PIEZO1: variants seen among roughly 807,000 people sequenced by gnomAD.
PIEZO1 encodes the protein piezo-type mechanosensitive ion channel component 1.
PIEZO1 carries 296 observed loss-of-function variants against 297.2 expected under a neutral mutation model. The observed-to-expected ratio is 1.00, with a 90% CI of 0.91 to 1.10. The LOEUF (loss-of-function observed/expected upper bound fraction) is 1.10, where lower values mean the gene tolerates loss of function less well. PIEZO1 is among the 50% of genes least tolerant of loss of function. The pLI is 0.00. For synonymous variants in PIEZO1, 2,427 were observed against 1,507.5 expected, an observed-to-expected ratio of 1.61 and a Z score of -14.13; for missense variants, 5,018 against 3,455.5, an observed-to-expected ratio of 1.45 and a Z score of -11.34.
Position 88,719,616 on chromosome 16 carries a change from A to C in PIEZO1, c.6429T>G (p.Tyr2143Ter), listed in dbSNP as rs1053881488. The change falls in exon 44 of 51, where the codon TAT (tyrosine) becomes TAG (stop). Residue 2143 changes from tyrosine to a stop codon, truncating the protein, a stop_gained. Transcript: ENST00000301015. LOFTEE classifies it high-confidence loss of function. Reference protein sequence around the residue: ...LSSWMCVEDIYANIFIIKCSR... With the variant: ...LSSWMCVEDI Reference sequence around the variant, plus strand: ...TGCATTTGATGATGAAGATGTTGGCATAGATGTCCTCCACACACATCCAGC... The same window carrying C: ...TGCATTTGATGATGAAGATGTTGGCCTAGATGTCCTCCACACACATCCAGC... The C allele has an allele frequency of 6.4e-7, 1 of 1,552,308 alleles. No individual in the cohort carries two copies. Among genetic ancestry groups the C allele is most frequent in the South Asian group, 1.2e-5 (1 of 84,136 alleles).
intron 19 of PIEZO1, 58 bp from the exon 20 acceptor site, chr16:88,732,790 C>A: frequency 6.9e-7 from 1 of 1,458,866 alleles, no homozygotes; most frequent in Non-Finnish European, 9.2e-7. Context: ...CCTGGCCCTG[C>A]CCGGAGCCCA....
rs112439375 is a variant in PIEZO1 at position 88,716,916 on chromosome 16, A to C, written c.6661-18T>G. 3.2e-4 allele frequency: 494 copies of C among 1,548,714 alleles called. 1 individual carries two copies. The highest frequency in any genetic ancestry group is 8.8e-4 in the South Asian group (74 of 84,018). ...AACAGCGGCTGGGGCAGGCACGGGGACACGGGGCCACGAAGATGAGCGTGG... is the reference window on the plus strand; with the variant it reads ...AACAGCGGCTGGGGCAGGCACGGGGCCACGGGGCCACGAAGATGAGCGTGG... On this transcript the variant is annotated intron_variant, in intron 45 of 50. Coordinates refer to ENST00000301015, the MANE Select transcript of PIEZO1 (RefSeq NM_001142864.4).
At chr16:88,783,826 G>GC (rs1452063872) in intron 1 of PIEZO1, among the ~76,000 whole-genome samples, 6 of 152,238 alleles carry the variant, frequency 3.9e-5, no homozygotes, top group Admixed American at 3.3e-4. Context: ...CTGTCTGGGA[G>GC]CCTCAGGCAG....
At chr16:88,740,950 G>A (rs1373745233) in intron 5 of PIEZO1, 2 of 153,080 alleles carry the variant, frequency 1.3e-5, no homozygotes, top group African/African-American at 4.8e-5. Context: ...ATAGCTCAGA[G>A]ATTCCCGGGG....
In PIEZO1 at chr16:88,738,121, C is replaced by G. The variant is rs940595763; in HGVS notation, c.849-16G>C. 3.4e-5 allele frequency: 52 copies of G among 1,535,670 alleles called. No homozygotes were observed. Among genetic ancestry groups the G allele is most frequent in the Non-Finnish European group, 4.3e-5 (49 of 1,146,838 alleles). Reference sequence around the variant, plus strand: ...ACCCAGCACCCTGTCCAGAGAAGACCCGTCACAGCCTACCACCCCAGAGGC... The same window carrying G: ...ACCCAGCACCCTGTCCAGAGAAGACGCGTCACAGCCTACCACCCCAGAGGC... On this transcript the variant is annotated splice_polypyrimidine_tract_variant and intron_variant, in intron 7 of 50. Coordinates refer to ENST00000301015, the MANE Select transcript of PIEZO1 (RefSeq NM_001142864.4).
chr16:88,734,202 G>A, intron 16 of PIEZO1, 148 bp from the exon 17 acceptor site: 4 of 1,198,904 alleles, frequency 3.3e-6, no homozygotes, highest in Non-Finnish European at 4.6e-6. Context: ...CTGTCCCTGT[G>A]ACCTCCACGC....
Position 88,732,498 on chromosome 16 carries a change from G to A in PIEZO1, c.2828C>T (p.Ala943Val). ...LQVLLLLVFE[A>V]IVYRRQEHYR... ...GTGCTCCTGGCGCCGGTACACGATG[G>A]CCTCGAATACCAGCAGCAGCAGCAC... is the stretch of plus-strand genomic sequence containing the variant. Residue 943 changes from alanine (A) to valine (V), a missense_variant, in exon 21 of 51, where the codon GCC becomes GTC. Physicochemically the swap from Ala to Val is moderately conservative, Grantham distance 64. Coordinates refer to ENST00000301015, the MANE Select transcript of PIEZO1 (RefSeq NM_001142864.4). 4.5e-6 allele frequency: 7 copies of A among 1,548,446 alleles called. No individual in the cohort carries two copies. Among genetic ancestry groups the A allele is most frequent in the Non-Finnish European group, 6.1e-6 (7 of 1,145,528 alleles).
chr16:88,726,977 A>C lies in PIEZO1; in HGVS notation c.3456-19T>G, dbSNP rs1220735739. 1.3e-6 allele frequency: 2 copies of C among 1,549,500 alleles called. No homozygotes were observed. The highest frequency in any genetic ancestry group is 1.4e-5 in the African/African-American group (1 of 73,036). On this transcript the variant is annotated intron_variant, in intron 24 of 50. Transcript: ENST00000301015. ...GTAGGACCTGCCAGGCCGGAGCGTC[A>C]GGGCGGGCGCCCCGGCCACCCCTCC...
In PIEZO1 at chr16:88,716,086, T is replaced by C. The variant is rs1027766769; in HGVS notation, c.7163A>G (p.Gln2388Arg). 3.9e-6 allele frequency: 6 copies of C among 1,548,952 alleles called. No homozygotes were observed. Among genetic ancestry groups the C allele is most frequent in the African/African-American group, 1.4e-5 (1 of 73,026 alleles). The change falls in exon 50 of 51, where the codon CAG becomes CGG. Residue 2388 changes from glutamine (Q) to arginine (R), a missense_variant. Gln to Arg is a conservative substitution (Grantham distance 43). Coordinates refer to ENST00000301015, the MANE Select transcript of PIEZO1 (RefSeq NM_001142864.4). ...CCCCGCACCCTGCTCCCTCCGCAGC[T>C]GGATACGCACGCCGAGGTAGTCGGC... The part of the protein sequence containing the change: ...EEADYLGVRI[Q>R]LRREQGAGAT...
chr16:88,723,908 G>A lies in PIEZO1; in HGVS notation c.4298C>T (p.Pro1433Leu). The change falls in exon 31 of 51, where the codon CCT becomes CTT. Residue 1433 changes from proline to leucine, a missense_variant. Coordinates refer to ENST00000301015, the MANE Select transcript of PIEZO1 (RefSeq NM_001142864.4). ...CTGTGCCGACGGCCTCGGGTCTTCA[G>A]GAACAGCCTCCTCCTCTTCCTCACT... is the stretch of plus-strand genomic sequence containing the variant. ...SDSEEEEEAVPEDPRPSAQSA... is the reference protein window; with the variant it reads ...SDSEEEEEAVLEDPRPSAQSA... 1 of 1,549,744 alleles carries A rather than the reference G, an allele frequency of 6.5e-7. No individual in the cohort carries two copies. Among genetic ancestry groups the A allele is most frequent in the South Asian group, 1.2e-5 (1 of 84,050 alleles).
intron 27 of PIEZO1, chr16:88,725,933 A>C (rs1335784488): frequency 9.7e-5 from 55 of 569,558 alleles, no homozygotes; most frequent in Non-Finnish European, 1.6e-4. Context: ...GCAGGGAAGA[A>C]GGCAAAGCTG....
intron 27 of PIEZO1, chr16:88,725,994 C>T (rs1309285649): frequency 1.8e-6 from 1 of 567,152 alleles, no homozygotes; most frequent in East Asian, 2.9e-5. Context: ...ACACAGTGGC[C>T]CTCCCGCTGG....
At chr16:88,733,523 G>T (rs914262787) in intron 18 of PIEZO1, 65 bp downstream of exon 18, 1 of 1,529,846 alleles carries the variant, frequency 6.5e-7, no homozygotes, top group South Asian at 1.2e-5. Flanking sequence ...GGCTTGGGGA[G>T]GCCAGCTGGG....
Position 88,720,082 on chromosome 16 carries a change from C to T in PIEZO1, c.6151G>A (p.Ala2051Thr), listed in dbSNP as rs1238175184. 20 of 1,550,094 alleles carry T rather than the reference C, an allele frequency of 1.3e-5. No individual in the cohort carries two copies. The highest frequency in any genetic ancestry group is 7.1e-5 in the South Asian group (6 of 84,056). ...IHLWMFFILP[A>T]VTERMFNQNV... Reference sequence around the variant, plus strand: ...GCGTGGGCCCACCTCTCAGTGACGGCGGGCAGGATGAAGAACATCCATAGG... The same window carrying T: ...GCGTGGGCCCACCTCTCAGTGACGGTGGGCAGGATGAAGAACATCCATAGG... Residue 2051 changes from alanine (A) to threonine (T), a missense_variant, in exon 42 of 51, where the codon GCC becomes ACC. By Grantham distance (58) the Ala-to-Thr change is moderately conservative. Coordinates refer to ENST00000301015, the MANE Select transcript of PIEZO1 (RefSeq NM_001142864.4).
At position 88,722,092 on chromosome 16, in the gene PIEZO1, G is replaced by A; in HGVS notation, c.4956-26C>T. 2.6e-6 allele frequency: 4 copies of A among 1,538,784 alleles called. 1 individual carries two copies. Among genetic ancestry groups the A allele is most frequent in the East Asian group, 4.9e-5 (2 of 40,726 alleles). On this transcript the variant is annotated intron_variant, in intron 36 of 50. Coordinates refer to ENST00000301015, the MANE Select transcript of PIEZO1 (RefSeq NM_001142864.4). ...CTACAGGGAGACCCGCGTGTTTGGG[G>A]GAGTCTGGGACTGCCCGAAGGCATG...
At chr16:88,722,135 C>G (rs892047538) in intron 36 of PIEZO1, 69 bp from the exon 37 acceptor site, 29 of 1,521,068 alleles carry the variant, frequency 1.9e-5, no homozygotes, top group Non-Finnish European at 2.5e-5. Flanking sequence ...GATCTGTTGC[C>G]GGTCACAGTC....
intron 22 of PIEZO1, among the ~76,000 whole-genome samples, chr16:88,730,591 C>G (rs1904735865): frequency 9.2e-6 from 1 of 109,272 alleles, no homozygotes; most frequent in African/African-American, 4.1e-5. Flanking sequence ...GAGCAAGACT[C>G]CATCTCAAAA....
At chr16:88,752,688 G>A (rs1323297074) in intron 1 of PIEZO1, among the ~76,000 whole-genome samples, 1 of 152,102 alleles carries the variant, frequency 6.6e-6, no homozygotes, top group African/African-American at 2.4e-5. Context: ...AGCCAGAGGG[G>A]AACCTTGAGG....
intron 1 of PIEZO1, among the ~76,000 whole-genome samples, chr16:88,768,778 G>A (rs887637289): frequency 2.0e-5 from 3 of 152,246 alleles, no homozygotes; most frequent in African/African-American, 4.8e-5. Flanking sequence ...TCTAGGCCTC[G>A]GCCAGTCTGG....
Sources: gnomAD v4.1 joint callset for allele counts (sites outside exome capture counted in the v4.1 genomes callset) on GRCh38, gnomAD v4.1.1 for gene constraint, MANE v1.5 for transcripts, NCBI Gene and HGNC (gene_info 2026-07-23, HGNC 2026-07-21) for gene names.